Variants in GOLIM4 observed in about 807,000 individuals in gnomAD.
GOLIM4 encodes the protein golgi integral membrane protein 4.
A neutral mutation model predicts 107.4 loss-of-function variants in GOLIM4; 71 were observed. That is an observed-to-expected ratio of 0.66 (90% CI 0.55 to 0.81). The LOEUF is 0.81. Ranked by LOEUF, GOLIM4 falls within the 30% of genes least tolerant of loss-of-function variation. The pLI, the probability that GOLIM4 is intolerant of heterozygous loss-of-function variation, is 0.00. For missense variants in GOLIM4, 830 were observed against 826.1 expected (o/e 1.00, Z -0.06); for synonymous variants, 327 against 294.8 (o/e 1.11, Z -1.12).
chr3:168,080,381 G>C (rs1721293980), intron 1 of GOLIM4, among the ~76,000 whole-genome samples: 3 of 152,114 alleles, frequency 2.0e-5, no homozygotes, highest in South Asian at 4.1e-4. Context: ...GTGTTTAACA[G>C]AAAAATACTT....
chr3:168,080,676 C>T (rs1721315890), intron 1 of GOLIM4, among the ~76,000 whole-genome samples: 1 of 152,182 alleles, frequency 6.6e-6, no homozygotes, highest in African/African-American at 2.4e-5. Flanking sequence ...TTTTGGCCAA[C>T]TGAAGCCCAC....
At chr3:168,083,537 C>T (rs1338138872) in intron 1 of GOLIM4, among the ~76,000 whole-genome samples, 1 of 152,120 alleles carries the variant, frequency 6.6e-6, no homozygotes, top group African/African-American at 2.4e-5. Context: ...GGTAATTTCC[C>T]TGTGAAGCTA....
chr3:168,068,781 T>G lies in GOLIM4; in HGVS notation c.188-20416A>C, dbSNP rs553491105. Among the ~76,000 whole-genome samples, 71 of 152,098 alleles carry G rather than the reference T, an allele frequency of 4.7e-4. 1 individual carries two copies. The highest frequency in any genetic ancestry group is 3.4e-3 in the Middle Eastern group (1 of 294). On this transcript the variant is annotated intron_variant, in intron 1 of 15. Coordinates refer to ENST00000470487, the MANE Select transcript of GOLIM4 (RefSeq NM_014498.5). Reference sequence around the variant, plus strand: ...TAGAGATTCCTTTGTCAATTGTGAATGCCTTATTTTACCTCTTAAAACTTT... The same window carrying G: ...TAGAGATTCCTTTGTCAATTGTGAAGGCCTTATTTTACCTCTTAAAACTTT...
intron 1 of GOLIM4, among the ~76,000 whole-genome samples, chr3:168,063,228 A>G (rs185639313): frequency 6.6e-6 from 1 of 152,348 alleles, no homozygotes; most frequent in African/African-American, 2.4e-5. Flanking sequence ...CCTAAAGACC[A>G]TGAAGACAAA....
At position 168,024,387 on chromosome 3, in the gene GOLIM4, C is replaced by T. The variant is rs1293005135; in HGVS notation, c.1860+139G>A. On this transcript the variant is annotated intron_variant, in intron 14 of 15. Transcript: ENST00000470487. The stretch of plus-strand genomic sequence containing the variant: ...TGCCATGATCCATTTTTGCTTTAAA[C>T]CACCCTTTCTTATCCTGCTTAAATT... 3 of 689,810 alleles carry T rather than the reference C, an allele frequency of 4.3e-6. No homozygotes were observed. In the East Asian group the frequency reaches 7.8e-5, roughly 18 times the overall value. 42.7% of individuals were successfully genotyped at this position (689,810 alleles called of 1,614,324 possible). A position where few individuals can be genotyped will look rare whatever the true frequency, so the allele number is the denominator to read the frequency against.
chr3:168,040,827 C>A lies in GOLIM4; in HGVS notation c.643G>T (p.Val215Leu). 6.2e-7 allele frequency: 1 copy of A among 1,613,440 alleles called. No individual in the cohort carries two copies. ...NLLSEHEQLV[V>L]TLEDHKSALA... ...GCACTCTTGTGGTCTTCCAAAGTCA[C>A]TACAAGTTGTTCATGCTCGGAGAGT... The change falls in exon 7 of 16, where the codon GTG (valine) becomes TTG (leucine). Residue 215 changes from valine to leucine, a missense_variant. Physicochemically the swap from Val to Leu is conservative, Grantham distance 32. Transcript: ENST00000470487.
At chr3:168,031,101 A>AGACATACATTCT (rs1303254542) in intron 9 of GOLIM4, among the ~76,000 whole-genome samples, 18 of 152,216 alleles carry the variant, frequency 1.2e-4, no homozygotes, top group Admixed American at 1.1e-3. Flanking sequence ...AAGCACAGAA[A>AGACATACATTCT]GACATACATT....
intron 1 of GOLIM4, among the ~76,000 whole-genome samples, chr3:168,074,398 A>G (rs1720970355): frequency 6.6e-6 from 1 of 152,200 alleles, no homozygotes; most frequent in Admixed American, 6.5e-5. Flanking sequence ...AAATCTGAGC[A>G]GAGGCCTGAA....
Position 168,029,953 on chromosome 3 carries a change from C to A in GOLIM4, c.1260G>T (p.Gln420His). 1 of 1,614,194 alleles carries A rather than the reference C, an allele frequency of 6.2e-7. No individual in the cohort carries two copies. The highest frequency in any genetic ancestry group is 8.5e-7 in the Non-Finnish European group (1 of 1,180,036). The change falls in exon 10 of 16, where the codon CAG becomes CAT. Residue 420 changes from glutamine (Q) to histidine (H), a missense_variant. Transcript: ENST00000470487. Reference sequence around the variant, plus strand: ...CCCGCAGCTGCTGGGCCTCCTCCACCTGCTGCACTGCCAGTCTCTGCTGTT... The same window carrying A: ...CCCGCAGCTGCTGGGCCTCCTCCACATGCTGCACTGCCAGTCTCTGCTGTT... ...QLEQQRLAVQ[Q>H]VEEAQQLREH...
At chr3:168,044,523 TG>T (rs1343503876) in intron 4 of GOLIM4, among the ~76,000 whole-genome samples, 1 of 152,052 alleles carries the variant, frequency 6.6e-6, no homozygotes, top group African/African-American at 2.4e-5. Context: ...AAAACCACTG[TG>T]AGAAAGTAAA....
At position 168,039,510 on chromosome 3, in the gene GOLIM4, C is replaced by T. The variant is rs548190832; in HGVS notation, c.684+1276G>A. 1.8e-3 allele frequency among the ~76,000 whole-genome samples: 274 copies of T among 152,094 alleles called. 1 individual carries two copies. The highest frequency in any genetic ancestry group is 6.3e-3 in the African/African-American group (262 of 41,500). Reference sequence around the variant, plus strand: ...AACTCCTGACCTCAGGTGATCCACCCGCCTCGGCCTCCCAAAGTGCTGGGA... The same window carrying T: ...AACTCCTGACCTCAGGTGATCCACCTGCCTCGGCCTCCCAAAGTGCTGGGA... On this transcript the variant is annotated intron_variant, in intron 7 of 15. Coordinates refer to ENST00000470487, the MANE Select transcript of GOLIM4 (RefSeq NM_014498.5).
Position 168,095,277 on chromosome 3 carries a change from G to A in GOLIM4, c.9C>T (p.Asn3=), listed in dbSNP as rs2108302275. 1 of 1,612,156 alleles carries A rather than the reference G, an allele frequency of 6.2e-7. No homozygotes were observed. Among genetic ancestry groups the A allele is most frequent in the East Asian group, 2.2e-5 (1 of 44,828 alleles). The part of the protein sequence containing the change: MG[N]GMCSRKQKRI... ...GCTTCTGCTTTCGGGAGCACATCCC[G>A]TTTCCCATAGTCCCGCCTGGACCCA... The change falls in exon 1 of 16, where the codon AAC becomes AAT. Residue 3 remains asparagine (N), a synonymous_variant. Transcript: ENST00000470487.
chr3:168,037,004 A>T lies in GOLIM4; in HGVS notation c.685-10T>A. 1 of 1,389,786 alleles carries T rather than the reference A, an allele frequency of 7.2e-7. No homozygotes were observed. The allele number at this position is 1,389,786 out of a possible 1,614,324, so 86.1% of individuals were successfully genotyped here. ...ATTCTGCAACTTGAGTCTGCATATA[A>T]ATTGCACAATTTGAGGAGGGAATCT... is the stretch of plus-strand genomic sequence containing the variant. On this transcript the variant is annotated splice_polypyrimidine_tract_variant and intron_variant, in intron 7 of 15. Transcript: ENST00000470487.
chr3:168,044,788 C>A, intron 4 of GOLIM4, 40 bp downstream of exon 4: 1 of 1,148,392 alleles, frequency 8.7e-7, no homozygotes, highest in Non-Finnish European at 1.3e-6. Flanking sequence ...ATTAGTTAAT[C>A]CTTTCTTTTA....
intron 14 of GOLIM4, among the ~76,000 whole-genome samples, chr3:168,016,841 A>G (rs925065703): frequency 2.1e-5 from 3 of 141,110 alleles, no homozygotes; most frequent in Non-Finnish European, 4.4e-5. Context: ...GAATTGAACA[A>G]TGAGATCACA....
chr3:168,038,474 T>C (rs1276568536), intron 7 of GOLIM4, among the ~76,000 whole-genome samples: 2 of 152,194 alleles, frequency 1.3e-5, no homozygotes, highest in Non-Finnish European at 2.9e-5. Context: ...TCAAAAAATA[T>C]CACTTAAGAG....
At chr3:168,013,728 A>C (rs1237231480) in intron 14 of GOLIM4, among the ~76,000 whole-genome samples, 1 of 151,744 alleles carries the variant, frequency 6.6e-6, no homozygotes, top group East Asian at 1.9e-4. Flanking sequence ...ACTCAGGATT[A>C]AGAATCTCAC....
intron 1 of GOLIM4, among the ~76,000 whole-genome samples, chr3:168,071,708 A>C (rs1720838070): frequency 6.6e-6 from 1 of 151,840 alleles, no homozygotes; most frequent in Non-Finnish European, 1.5e-5. Flanking sequence ...CTACTGAATG[A>C]GTCACAAGGG....
intron 12 of GOLIM4, among the ~76,000 whole-genome samples, chr3:168,026,525 AAAAC>A (rs982834337): frequency 2.0e-5 from 3 of 152,152 alleles, no homozygotes; most frequent in African/African-American, 7.2e-5. Context: ...CATGTTCCCC[AAAAC>A]AAACAAACAG....
Sources: allele counts gnomAD v4.1 joint callset (sites outside exome capture counted in the v4.1 genomes callset), GRCh38; gene constraint gnomAD v4.1.1; transcripts MANE v1.5; gene names NCBI Gene and HGNC (gene_info 2026-07-23, HGNC 2026-07-21).